The following ALDH3A1 variants were observed in gnomAD, a reference collection of about 807,000 sequenced individuals.
ALDH3A1 encodes aldehyde dehydrogenase, dimeric NADP-preferring.
ALDH3A1 carries 46 observed loss-of-function variants against 49.9 expected under a neutral mutation model. That is an observed-to-expected ratio of 0.92 (90% CI 0.73 to 1.18). ALDH3A1 has a LOEUF of 1.18. Among genes scored for constraint, ALDH3A1 ranks in the 50% most tolerant of loss-of-function variants. ALDH3A1 has a pLI of 0.00. For synonymous variants in ALDH3A1, 269 were observed against 253.3 expected (o/e 1.06, Z -0.59); for missense variants, 592 against 611.8 (o/e 0.97, Z 0.34).
chr17:19,744,800 C>G, intron 2 of ALDH3A1, 168 bp downstream of exon 2: 1 of 1,361,990 alleles, frequency 7.3e-7, no homozygotes. Flanking sequence ...CGGGGGCGCG[C>G]GGGGCGCGGC....
chr17:19,738,931 TTGC>T, intron 9 of ALDH3A1, 62 bp downstream of exon 9: 1 of 1,458,746 alleles, frequency 6.9e-7, no homozygotes, highest in East Asian at 2.4e-5. Flanking sequence ...CCTCCTGAAT[TTGC>T]TGGGTGAGTG....
intron 4 of ALDH3A1, 79 bp from the exon 5 acceptor site, chr17:19,742,291 G>T: frequency 6.8e-7 from 1 of 1,476,590 alleles, no homozygotes; most frequent in Non-Finnish European, 9.4e-7. Context: ...GAGTTGCAGT[G>T]GCCAAGACCA....
intron 4 of ALDH3A1, 29 bp from the exon 5 acceptor site, chr17:19,742,241 A>G: frequency 6.2e-7 from 1 of 1,606,182 alleles, no homozygotes; most frequent in Non-Finnish European, 8.5e-7. Context: ...GGGGAGGCTC[A>G]GCAAAGACCA....
rs758589250 is a variant in ALDH3A1 at position 19,739,567 on chromosome 17, G to C, written c.1057C>G (p.Gln353Glu). The C allele has an allele frequency of 1.2e-6, 2 of 1,613,530 alleles. No individual in the cohort carries two copies. Among genetic ancestry groups the C allele is most frequent in the Admixed American group, 3.3e-5 (2 of 59,926 alleles). ...VCVRSLEEAI[Q>E]FINQREKPLA... ...GGCTTCTCACGCTGGTTGATGAACTGGATGGCCTCCTCCAGGCTGCGCACG... is the reference window on the plus strand; with the variant it reads ...GGCTTCTCACGCTGGTTGATGAACTCGATGGCCTCCTCCAGGCTGCGCACG... Residue 353 changes from glutamine (Q) to glutamate (E), a missense_variant, in exon 8 of 11, where the codon CAG (glutamine) becomes GAG (glutamate). Transcript: ENST00000225740.
Position 19,739,707 on chromosome 17 carries a change from G to A in ALDH3A1, c.950-33C>T, listed in dbSNP as rs375783415. On this transcript the variant is annotated intron_variant, in intron 7 of 10. Transcript: ENST00000225740. ...AGGAAACAAGCCAGAGTTGGACGGC[G>A]CAGAGACCCCCACGCGGATGGAAAG... 1.6e-5 allele frequency: 25 copies of A among 1,609,048 alleles called. No homozygotes were observed. In the African/African-American group the frequency reaches 2.5e-4, roughly 16 times the overall value.
Position 19,741,414 on chromosome 17 carries a change from G to A in ALDH3A1, c.690-204C>T, listed in dbSNP as rs1406648649. The A allele has an allele frequency of 2.1e-5, 11 of 521,514 alleles. No individual in the cohort carries two copies. The East Asian group carries it at 3.6e-4, about 17-fold the overall frequency. The allele number at this position is 521,514 out of a possible 1,614,324, so 32.3% of individuals were successfully genotyped here. A position where few individuals can be genotyped will look rare whatever the true frequency, so the allele number is the denominator to read the frequency against. The stretch of plus-strand genomic sequence containing the variant: ...ATCATGTTCACCGGCGACTGGTGGG[G>A]AATTTCTAGAGGACGTCTGTTGAGG... On this transcript the variant is annotated intron_variant, in intron 5 of 10. Coordinates refer to ENST00000225740, the MANE Select transcript of ALDH3A1 (RefSeq NM_000691.5).
At position 19,743,337 on chromosome 17, in the gene ALDH3A1, C is replaced by G. The variant is rs750383473; in HGVS notation, c.289G>C (p.Glu97Gln). 3 of 1,614,170 alleles carry G rather than the reference C, an allele frequency of 1.9e-6. No homozygotes were observed. Among genetic ancestry groups the G allele is most frequent in the Admixed American group, 1.7e-5 (1 of 60,030 alleles). The change falls in exon 3 of 11, where the codon GAG (glutamate) becomes CAG (glutamine). Residue 97 changes from glutamate to glutamine, a missense_variant. By Grantham distance (29) the Glu-to-Gln change is conservative. Coordinates refer to ENST00000225740, the MANE Select transcript of ALDH3A1 (RefSeq NM_000691.5). This position sits in a 1 kb window ranked among gnomAD's most constrained non-coding sequence, Gnocchi z 4.4. ...VEKTPQTQQD[E>Q]LYIHSEPLGV... ...AGTGGCTCCGAGTGGATGTAGAGCT[C>G]GTCCTGCTGAGTCTGGGGCGTCTTC... is the stretch of plus-strand genomic sequence containing the variant.
At chr17:19,744,902 CCCCT>C in intron 2 of ALDH3A1, 62 bp downstream of exon 2, 2 of 412,010 alleles carry the variant, frequency 4.9e-6, no homozygotes, top group Non-Finnish European at 6.4e-6. Flanking sequence ...CTCTCCCCAG[CCCCT>C]CCCCCCACGC....
chr17:19,747,218 T>C (rs2086612447), intron 1 of ALDH3A1, among the ~76,000 whole-genome samples: 1 of 152,204 alleles, frequency 6.6e-6, no homozygotes, highest in African/African-American at 2.4e-5. Context: ...CAATCCTTCC[T>C]CTGCCTCCCC....
rs887240 is a variant in ALDH3A1 at position 19,742,801 on chromosome 17, G to A, written c.395-171C>T. On this transcript the variant is annotated intron_variant, in intron 3 of 10. Transcript: ENST00000225740. ...GGGGCACACCCAGGAGCACGCACGG[G>A]CACATGACAGAGGGACACACACGGG... The A allele has an allele frequency of 4.3e-3, 6,577 of 1,534,998 alleles. 260 individuals are homozygous for A. In the East Asian group the frequency reaches 0.1, roughly 24 times the overall value.
intron 6 of ALDH3A1, 28 bp from the exon 7 acceptor site, chr17:19,740,505 T>C: frequency 6.2e-7 from 1 of 1,612,102 alleles, no homozygotes. Context: ...GGGCTTCGGG[T>C]AAGGACGCAG....
At chr17:19,738,543 C>G (rs1455708953) in intron 9 of ALDH3A1, 90 bp from the exon 10 acceptor site, 3 of 1,542,740 alleles carry the variant, frequency 1.9e-6, no homozygotes, top group Non-Finnish European at 2.6e-6. Context: ...TATCCCAGAA[C>G]CACAGGGACA....
intron 4 of ALDH3A1, 52 bp downstream of exon 4, chr17:19,742,493 C>A: frequency 6.4e-7 from 1 of 1,574,766 alleles, no homozygotes; most frequent in Non-Finnish European, 8.7e-7. Flanking sequence ...AAGACCTGGC[C>A]CTAGCTCAGT....
chr17:19,744,901 G>GCCGGCCCCCCCC, intron 2 of ALDH3A1, 67 bp downstream of exon 2: 1 of 434,632 alleles, frequency 2.3e-6, no homozygotes, highest in African/African-American at 3.4e-5. Flanking sequence ...ACTCTCCCCA[G>GCCGGCCCCCCCC]CCCCTCCCCC....
chr17:19,742,264 C>A, intron 4 of ALDH3A1, 52 bp from the exon 5 acceptor site: 1 of 1,581,252 alleles, frequency 6.3e-7, no homozygotes, highest in Non-Finnish European at 8.7e-7. Flanking sequence ...CCCCTCCTCG[C>A]TCTTGCAAGT....
chr17:19,738,029 AG>A lies in ALDH3A1; in HGVS notation c.*191del. On this transcript the variant is annotated 3_prime_UTR_variant, in exon 11 of 11. Transcript: ENST00000225740. Reference sequence around the variant, plus strand: ...TATTCGTCTCTTTATTGGTCTAGAAAGGGGTGGAGACTTGGAATGGTGAGGC... The same window carrying A: ...TATTCGTCTCTTTATTGGTCTAGAAAGGGTGGAGACTTGGAATGGTGAGGC... The A allele has an allele frequency of 2.0e-6, 3 of 1,513,762 alleles. No individual in the cohort carries two copies. The highest frequency in any genetic ancestry group is 2.6e-6 in the Non-Finnish European group (3 of 1,132,210). 93.8% of individuals were successfully genotyped at this position (1,513,762 alleles called of 1,614,324 possible).
At chr17:19,744,919 C>CCCCCCCCA in intron 2 of ALDH3A1, 49 bp downstream of exon 2, 6 of 1,385,390 alleles carry the variant, frequency 4.3e-6, no homozygotes, top group South Asian at 1.4e-5. Context: ...CCCCACGCCC[C>CCCCCCCCA]ATCGCATGGC....
chr17:19,738,601 A>G, intron 9 of ALDH3A1, 148 bp from the exon 10 acceptor site: 1 of 1,221,882 alleles, frequency 8.2e-7, no homozygotes, highest in Non-Finnish European at 1.1e-6. Flanking sequence ...CTCAAATCCT[A>G]TGGCCCTCAG....
Position 19,741,996 on chromosome 17 carries a change from C to A in ALDH3A1, c.689+8G>T. The A allele has an allele frequency of 6.2e-7, 1 of 1,613,490 alleles. No homozygotes were observed. The highest frequency in any genetic ancestry group is 8.5e-7 in the Non-Finnish European group (1 of 1,179,824). ...GACTGCTGCAGCCAGCAGGCCCGTG[C>A]CTCTCACCGGCAGGCCACGTCCAGG... On this transcript the variant is annotated splice_region_variant and intron_variant, in intron 5 of 10. Coordinates refer to ENST00000225740, the MANE Select transcript of ALDH3A1 (RefSeq NM_000691.5).
Sources: gnomAD v4.1 joint callset for allele counts (sites outside exome capture counted in the v4.1 genomes callset) on GRCh38, gnomAD v4.1.1 for gene constraint, Gnocchi (gnomAD v3.1) non-coding constraint, MANE v1.5 for transcripts, NCBI Gene and HGNC (gene_info 2026-07-23, HGNC 2026-07-21) for gene names.